Variants in TRIM2 observed in about 807,000 individuals in gnomAD.
TRIM2 encodes the protein tripartite motif-containing protein 2.
In TRIM2, 20 loss-of-function variants were observed where a neutral mutation model predicts 75.2. That is an observed-to-expected ratio of 0.27 (90% CI 0.19 to 0.39). TRIM2 has a LOEUF of 0.39. Among genes scored for constraint, TRIM2 ranks in the 10% least tolerant of loss-of-function variants. The probability of loss-of-function intolerance (pLI) is 1.00; values close to 1 mark genes in which losing one functional copy is unlikely to be tolerated. For synonymous variants in TRIM2, 373 were observed against 388.3 expected (o/e 0.96, Z 0.46); for missense variants, 660 against 990.8 (o/e 0.67, Z 4.48).
chr4:153,255,047 G>A (rs1751738100), intron 1 of TRIM2, among the ~76,000 whole-genome samples: 1 of 152,166 alleles, frequency 6.6e-6, no homozygotes, highest in African/African-American at 2.4e-5. Flanking sequence ...CTGGCCCTGT[G>A]TATCCCTTCT....
At chr4:153,254,947 G>C (rs1751701946) in intron 1 of TRIM2, among the ~76,000 whole-genome samples, 1 of 152,118 alleles carries the variant, frequency 6.6e-6, no homozygotes, top group African/African-American at 2.4e-5. Context: ...GCTATACTTA[G>C]GTATTACTCG....
At chr4:153,282,779 T>A (rs1411603199) in intron 3 of TRIM2, among the ~76,000 whole-genome samples, 1 of 151,476 alleles carries the variant, frequency 6.6e-6, no homozygotes, top group East Asian at 1.9e-4. Context: ...TATAATGATG[T>A]TTTTTATTTT....
At chr4:153,202,580 T>A (rs571695416), upstream of TRIM2, among the ~76,000 whole-genome samples, 46 of 151,632 alleles carry the variant, frequency 3.0e-4, no homozygotes, top group African/African-American at 1.1e-3. Context: ...GCGCCTGTAG[T>A]CCCAGCTACT....
At chr4:153,279,232 A>G (rs1196147102) in intron 3 of TRIM2, among the ~76,000 whole-genome samples, 3 of 152,164 alleles carry the variant, frequency 2.0e-5, no homozygotes, top group Non-Finnish European at 2.9e-5. Context: ...TGACTCAACA[A>G]TCTGCCTCCC....
At chr4:153,185,699 C>T (rs1732528890) in intron 1 of TRIM2, among the ~76,000 whole-genome samples, 1 of 152,100 alleles carries the variant, frequency 6.6e-6, no homozygotes, top group South Asian at 2.1e-4. Flanking sequence ...AAATTGTGCC[C>T]ATCAGGGAGG....
At chr4:153,315,386 A>C in intron 6 of TRIM2, 99 bp from the exon 7 acceptor site, 1 of 954,502 alleles carries the variant, frequency 1.0e-6, no homozygotes, top group Non-Finnish European at 1.5e-6. Flanking sequence ...AAAACAATGC[A>C]TTCTCAGGTA....
intron 1 of TRIM2, among the ~76,000 whole-genome samples, chr4:153,224,300 TA>T (rs1477674263): frequency 6.6e-6 from 1 of 152,204 alleles, no homozygotes; most frequent in East Asian, 1.9e-4. Context: ...AAGGATCAAT[TA>T]AAATGAACTC....
chr4:153,330,944 C>T (rs989584658), intron 11 of TRIM2, among the ~76,000 whole-genome samples: 6 of 152,162 alleles, frequency 3.9e-5, no homozygotes, highest in Non-Finnish European at 8.8e-5. Flanking sequence ...ATGATGTTTA[C>T]ATAGAAAATC....
chr4:153,307,649 C>T (rs575474978), intron 6 of TRIM2: 69 of 447,302 alleles, frequency 1.5e-4, no homozygotes, highest in Non-Finnish European at 2.5e-4. Context: ...GCAATGCTAA[C>T]GTCATCCTCA....
chr4:153,239,786 C>T (rs143843729), intron 1 of TRIM2, among the ~76,000 whole-genome samples: 3 of 151,270 alleles, frequency 2.0e-5, no homozygotes, highest in Admixed American at 1.3e-4. Flanking sequence ...ACAACATTTT[C>T]GAGCAATATG....
upstream of TRIM2, among the ~76,000 whole-genome samples, chr4:153,200,695 T>G (rs969691071): frequency 6.9e-6 from 1 of 145,028 alleles, no homozygotes. Flanking sequence ...CCTCAACACT[T>G]GTTTTCTTCC....
chr4:153,165,069 G>A (rs538498383), intron 1 of TRIM2, among the ~76,000 whole-genome samples: 1 of 151,886 alleles, frequency 6.6e-6, no homozygotes, highest in African/African-American at 2.4e-5. Flanking sequence ...ACACTTTATG[G>A]GTTCCACTTC....
chr4:153,257,396 A>G, intron 1 of TRIM2: 1 of 1,137,152 alleles, frequency 8.8e-7, no homozygotes, highest in Non-Finnish European at 1.1e-6. Flanking sequence ...ACAGACGCTC[A>G]GTGAGAAAAA....
intron 8 of TRIM2, among the ~76,000 whole-genome samples, chr4:153,321,427 T>C (rs1455724138): frequency 1.3e-5 from 2 of 152,196 alleles, no homozygotes; most frequent in Non-Finnish European, 2.9e-5. Flanking sequence ...CTGTATCTCA[T>C]GGCAAATAGA....
chr4:153,266,653 T>A (rs1755207745), intron 1 of TRIM2, among the ~76,000 whole-genome samples: 1 of 149,896 alleles, frequency 6.7e-6, no homozygotes, highest in African/African-American at 2.5e-5. Context: ...TTTTTTTTTT[T>A]TTTGTATTTT....
intron 1 of TRIM2, among the ~76,000 whole-genome samples, chr4:153,266,012 A>G (rs1420810594): frequency 1.3e-5 from 2 of 152,176 alleles, no homozygotes; most frequent in Non-Finnish European, 2.9e-5. Context: ...CCCCTGAGAG[A>G]TGAGCTACTT....
chr4:153,283,953 C>T (rs1364982878), intron 3 of TRIM2, among the ~76,000 whole-genome samples: 1 of 145,548 alleles, frequency 6.9e-6, no homozygotes. Context: ...TCACTGCAGC[C>T]TCTCCTCCTG....
At chr4:153,224,209 G>A (rs1324679533) in intron 1 of TRIM2, among the ~76,000 whole-genome samples, 2 of 152,156 alleles carry the variant, frequency 1.3e-5, no homozygotes, top group Non-Finnish European at 2.9e-5. Context: ...CCCTTAACTA[G>A]AGATAGAAAG....
intron 1 of TRIM2, among the ~76,000 whole-genome samples, chr4:153,243,028 C>G (rs1747065934): frequency 6.6e-6 from 1 of 152,242 alleles, no homozygotes; most frequent in Admixed American, 6.5e-5. Context: ...GATTTCATGG[C>G]TTTAAAACCA....
Sources: allele counts gnomAD v4.1 joint callset (sites outside exome capture counted in the v4.1 genomes callset), GRCh38; gene constraint gnomAD v4.1.1; transcripts MANE v1.5; gene names NCBI Gene and HGNC (gene_info 2026-07-23, HGNC 2026-07-21).